Variants in PLCB4 observed in about 807,000 individuals in gnomAD.
PLCB4 encodes phospholipase C beta 4, also known as 1-phosphatidylinositol 4,5-bisphosphate phosphodiesterase beta-4.
PLCB4 carries 77 observed loss-of-function variants against 178.8 expected under a neutral mutation model. That is an observed-to-expected ratio of 0.43 (90% CI 0.36 to 0.52). PLCB4 has a LOEUF of 0.52. Among genes scored for constraint, PLCB4 ranks in the 20% least tolerant of loss-of-function variants. The pLI is 0.00. For synonymous variants in PLCB4, 496 were observed against 490.8 expected (o/e 1.01, Z -0.14); for missense variants, 1,024 against 1,453.4 (o/e 0.70, Z 4.80).
chr20:9,419,667 T>C, intron 25 of PLCB4, 140 bp from the exon 26 acceptor site: 1 of 659,042 alleles, frequency 1.5e-6, no homozygotes, highest in Non-Finnish European at 2.8e-6. Flanking sequence ...GCACATTCTC[T>C]TCCATCCTTA....
chr20:9,473,001 C>A (rs548836919), intron 37 of PLCB4, among the ~76,000 whole-genome samples, 154 bp downstream of exon 37: 1 of 152,244 alleles, frequency 6.6e-6, no homozygotes, highest in Non-Finnish European at 1.5e-5. Flanking sequence ...AAAATAATGT[C>A]TCACTAAAAT....
At chr20:9,318,162 A>T (rs905500119) in intron 4 of PLCB4, among the ~76,000 whole-genome samples, 2 of 152,166 alleles carry the variant, frequency 1.3e-5, no homozygotes, top group African/African-American at 4.8e-5. Flanking sequence ...CTCAAAAAAA[A>T]AATAAATAAA....
chr20:9,311,881 C>T (rs973254989), intron 4 of PLCB4, among the ~76,000 whole-genome samples: 27 of 152,122 alleles, frequency 1.8e-4, no homozygotes, highest in Admixed American at 1.5e-3. Context: ...TTTGTGTTGC[C>T]GTTATGGCAG....
At chr20:9,359,416 G>A (rs2148214690) in intron 7 of PLCB4, among the ~76,000 whole-genome samples, 1 of 152,288 alleles carries the variant, frequency 6.6e-6, no homozygotes, top group East Asian at 1.9e-4. Context: ...CCCTTGAAGA[G>A]TCTTTCTTTC....
intron 2 of PLCB4, among the ~76,000 whole-genome samples, chr20:9,195,060 A>G (rs376225669): frequency 2.0e-5 from 3 of 152,236 alleles, no homozygotes; most frequent in East Asian, 3.8e-4. Context: ...TTTTAGTCCA[A>G]TTTTAGTCTA....
intron 2 of PLCB4, among the ~76,000 whole-genome samples, chr20:9,098,917 GTA>G (rs1037386533): frequency 5.4e-5 from 8 of 148,560 alleles, no homozygotes; most frequent in African/African-American, 9.9e-5. Context: ...GTCTGGCGAC[GTA>G]TATATATATA....
At chr20:9,131,008 A>G (rs2146812013) in intron 2 of PLCB4, among the ~76,000 whole-genome samples, 1 of 152,316 alleles carries the variant, frequency 6.6e-6, no homozygotes, top group South Asian at 2.1e-4. Context: ...GCCAGCATGT[A>G]ACAGCATCAT....
intron 4 of PLCB4, among the ~76,000 whole-genome samples, chr20:9,336,357 A>G (rs571841650): frequency 6.6e-6 from 1 of 152,218 alleles, no homozygotes; most frequent in South Asian, 2.1e-4. Context: ...CAAGTGTAAC[A>G]CAGATGCTCT....
chr20:9,389,840 G>A lies in PLCB4; in HGVS notation c.1159-39G>A, dbSNP rs202135804. ...TAGTTTTGGGTGCCTTAATTTTTTT[G>A]CTCTTTTCTCTCATTAACGTTTTTT... On this transcript the variant is annotated intron_variant, in intron 15 of 39. Transcript: ENST00000378473. 475 of 1,107,342 alleles carry A rather than the reference G, an allele frequency of 4.3e-4. 2 individuals carry two copies. In the African/African-American group the frequency reaches 6.9e-3, roughly 16 times the overall value. 68.6% of individuals were successfully genotyped at this position (1,107,342 alleles called of 1,614,324 possible).
intron 32 of PLCB4, among the ~76,000 whole-genome samples, chr20:9,449,239 G>A (rs2042600333): frequency 6.6e-6 from 1 of 152,176 alleles, no homozygotes; most frequent in Non-Finnish European, 1.5e-5. Flanking sequence ...CTTTCATTAA[G>A]AGACAGGCAT....
intron 4 of PLCB4, among the ~76,000 whole-genome samples, chr20:9,325,193 T>A (rs1188405790): frequency 1.3e-5 from 2 of 152,230 alleles, no homozygotes; most frequent in African/African-American, 4.8e-5. Flanking sequence ...CTCCTGTTTT[T>A]CTTAGGATTT....
At chr20:9,139,917 T>G (rs2092453835) in intron 2 of PLCB4, among the ~76,000 whole-genome samples, 2 of 152,038 alleles carry the variant, frequency 1.3e-5, no homozygotes, top group South Asian at 4.1e-4. Context: ...AAGATTTTCT[T>G]TGAAGGGGCT....
intron 19 of PLCB4, among the ~76,000 whole-genome samples, chr20:9,396,097 T>G (rs578091126): frequency 5.3e-5 from 8 of 152,346 alleles, no homozygotes; most frequent in African/African-American, 1.9e-4. Flanking sequence ...CACTTCCCAT[T>G]TTTTCTGGCT....
chr20:9,314,030 A>G (rs1284350348), intron 4 of PLCB4, among the ~76,000 whole-genome samples: 3 of 152,344 alleles, frequency 2.0e-5, no homozygotes, highest in East Asian at 1.9e-4. Context: ...CACTCAAAGC[A>G]CAGCTAAGAG....
intron 3 of PLCB4, among the ~76,000 whole-genome samples, chr20:9,274,341 A>G (rs7273384): frequency 0.063 from 9,596 of 152,072 alleles, 1,026 homozygotes; most frequent in African/African-American, 0.22. Context: ...CTTGTATGTC[A>G]TCTCTTAAAA....
intron 28 of PLCB4, among the ~76,000 whole-genome samples, chr20:9,431,196 C>T (rs527943763): frequency 6.6e-6 from 1 of 152,232 alleles, no homozygotes; most frequent in South Asian, 2.1e-4. Flanking sequence ...CTTGGCATTC[C>T]TTGGCTTGAA....
At position 9,453,400 on chromosome 20, in the gene PLCB4, A is replaced by C; in HGVS notation, c.2934A>C (p.Ala978=). The C allele has an allele frequency of 6.2e-7, 1 of 1,613,296 alleles. No individual in the cohort carries two copies. The highest frequency in any genetic ancestry group is 8.5e-7 in the Non-Finnish European group (1 of 1,179,530). Residue 978 remains alanine, a synonymous_variant, in exon 33 of 40, where the codon GCA becomes GCC. Coordinates refer to ENST00000378473, the MANE Select transcript of PLCB4 (RefSeq NM_001377142.1). ...LHCTQVDKIV[A]QYDKEKSTHE... ...GCACGCAAGTTGACAAAATTGTGGC[A>C]CAGTATGACAAAGAGAAGTCGACTC...
At chr20:9,411,569 G>A (rs1479437039) in intron 25 of PLCB4, among the ~76,000 whole-genome samples, 1 of 152,144 alleles carries the variant, frequency 6.6e-6, no homozygotes, top group African/African-American at 2.4e-5. Flanking sequence ...CTTGTAAGTA[G>A]CAGTTATCAA....
chr20:9,159,205 C>T (rs1309455515), intron 2 of PLCB4, among the ~76,000 whole-genome samples: 1 of 152,052 alleles, frequency 6.6e-6, no homozygotes, highest in African/African-American at 2.4e-5. Flanking sequence ...TGTGGTTACT[C>T]CTGAATTTTA....
Sources: allele counts gnomAD v4.1 joint callset (sites outside exome capture counted in the v4.1 genomes callset), GRCh38; gene constraint gnomAD v4.1.1; transcripts MANE v1.5; gene names NCBI Gene and HGNC (gene_info 2026-07-23, HGNC 2026-07-21).